The following XKR6 variants were observed in gnomAD, a reference collection of about 807,000 sequenced individuals.
XKR6 encodes the protein XK-related protein 6.
Under a neutral mutation model 56.7 loss-of-function variants are expected in XKR6, and 22 were observed. The observed-to-expected ratio is 0.39, with a 90% CI of 0.28 to 0.55. The LOEUF (loss-of-function observed/expected upper bound fraction) is 0.55. Ranked by LOEUF, XKR6 falls within the 20% of genes least tolerant of loss-of-function variation. The pLI, the probability that XKR6 is intolerant of heterozygous loss-of-function variation, is 0.66. For missense variants in XKR6, 852 were observed against 889.0 expected (o/e 0.96, Z 0.53); for synonymous variants, 524 against 387.8 (o/e 1.35, Z -4.13).
At chr8:11,125,071 A>AT (rs1170533334) in intron 1 of XKR6, among the ~76,000 whole-genome samples, 24 of 150,298 alleles carry the variant, frequency 1.6e-4, no homozygotes, top group African/African-American at 5.1e-4. Context: ...CATGGGCAAC[A>AT]GAGCAAGACT....
chr8:11,020,438 T>A (rs1798725149), intron 1 of XKR6, among the ~76,000 whole-genome samples: 1 of 152,152 alleles, frequency 6.6e-6, no homozygotes, highest in Non-Finnish European at 1.5e-5. Flanking sequence ...CTGTGCTAAG[T>A]TCCTTGTGAC....
intron 1 of XKR6, among the ~76,000 whole-genome samples, chr8:11,036,553 C>T (rs965992709): frequency 3.3e-5 from 5 of 152,190 alleles, no homozygotes; most frequent in African/African-American, 1.2e-4. Context: ...GTCCAGGAAT[C>T]TGCATTTTAA....
At chr8:10,920,675 C>T (rs1390793409) in intron 2 of XKR6, among the ~76,000 whole-genome samples, 3 of 152,242 alleles carry the variant, frequency 2.0e-5, no homozygotes, top group Non-Finnish European at 2.9e-5. Context: ...GTGATGAGGA[C>T]ACGACTCTAG....
chr8:11,080,534 A>C (rs1797679543), intron 1 of XKR6, among the ~76,000 whole-genome samples: 1 of 152,248 alleles, frequency 6.6e-6, no homozygotes, highest in Non-Finnish European at 1.5e-5. Flanking sequence ...TGTAAAGTCA[A>C]CACTTGCCAC....
intron 1 of XKR6, among the ~76,000 whole-genome samples, chr8:11,113,355 T>C (rs568776924): frequency 6.6e-5 from 10 of 152,254 alleles, no homozygotes; most frequent in Admixed American, 1.3e-4. Flanking sequence ...TCCATCAGAA[T>C]ACATTTAATA....
chr8:10,989,537 A>T (rs746417567), intron 1 of XKR6, among the ~76,000 whole-genome samples: 1 of 152,238 alleles, frequency 6.6e-6, no homozygotes, highest in Non-Finnish European at 1.5e-5. Context: ...GGCTTTCACC[A>T]TATAGCAGAG....
intron 1 of XKR6, among the ~76,000 whole-genome samples, chr8:11,098,678 A>T (rs143936246): frequency 1.3e-5 from 2 of 152,334 alleles, no homozygotes; most frequent in Non-Finnish European, 2.9e-5. Context: ...TAGTATGTGG[A>T]AAGTTTATTT....
chr8:10,940,204 G>T (rs764728780), intron 1 of XKR6, among the ~76,000 whole-genome samples: 1 of 152,178 alleles, frequency 6.6e-6, no homozygotes, highest in Non-Finnish European at 1.5e-5. Context: ...AGACGGGGAG[G>T]GAGGGAAGTG....
At chr8:11,033,098 T>C (rs931885211) in intron 1 of XKR6, among the ~76,000 whole-genome samples, 2 of 151,728 alleles carry the variant, frequency 1.3e-5, no homozygotes, top group South Asian at 4.2e-4. Context: ...ATAATGATGA[T>C]GATGAAGAGG....
At position 11,200,528 on chromosome 8, in the gene XKR6, A is replaced by AG. The variant is rs749301071; in HGVS notation, c.764+47dup. ...GCCCCGCGAAGCACCGGGAGGGCGGAGGGGGGCTCCTCAGGGCCGGCCCGC... is the reference window on the plus strand; with the variant it reads ...GCCCCGCGAAGCACCGGGAGGGCGGAGGGGGGGCTCCTCAGGGCCGGCCCGC... On this transcript the variant is annotated intron_variant, in intron 1 of 2. Transcript: ENST00000416569. The surrounding 1 kb of genome is among the most constrained non-coding windows in gnomAD (Gnocchi z 6.4). 16 of 1,407,252 alleles carry AG rather than the reference A, an allele frequency of 1.1e-5. No homozygotes were observed. The highest frequency in any genetic ancestry group is 6.0e-5 in the African/African-American group (4 of 66,568). 87.2% of individuals were successfully genotyped at this position (1,407,252 alleles called of 1,614,324 possible). A position where few individuals can be genotyped will look rare whatever the true frequency, so the allele number is the denominator to read the frequency against.
intron 1 of XKR6, among the ~76,000 whole-genome samples, chr8:10,926,337 G>A (rs1176388530): frequency 6.6e-6 from 1 of 152,198 alleles, no homozygotes; most frequent in Admixed American, 6.5e-5. Context: ...TAAGCCACAA[G>A]GGTGACCTCA....
chr8:10,982,636 G>A (rs1405620261), intron 1 of XKR6, among the ~76,000 whole-genome samples: 1 of 152,196 alleles, frequency 6.6e-6, no homozygotes, highest in African/African-American at 2.4e-5. Flanking sequence ...TATCTTCCCG[G>A]AGTCAGATCG....
chr8:11,021,680 T>C (rs1348317064), intron 1 of XKR6, among the ~76,000 whole-genome samples: 1 of 152,148 alleles, frequency 6.6e-6, no homozygotes, highest in Admixed American at 6.5e-5. Flanking sequence ...TCAGAGATCA[T>C]GACTGCTATA....
intron 1 of XKR6, among the ~76,000 whole-genome samples, chr8:11,178,187 C>A (rs1313577290): frequency 6.6e-6 from 1 of 152,150 alleles, no homozygotes; most frequent in Admixed American, 6.5e-5. Flanking sequence ...TGAAAACTGG[C>A]TGCAAATATG....
intron 1 of XKR6, among the ~76,000 whole-genome samples, chr8:11,009,372 A>G (rs970993769): frequency 6.6e-6 from 1 of 152,072 alleles, no homozygotes; most frequent in Non-Finnish European, 1.5e-5. Flanking sequence ...TTAGTCAGAC[A>G]TGGTGGTGTG....
At chr8:11,098,220 C>G (rs1245123772) in intron 1 of XKR6, among the ~76,000 whole-genome samples, 2 of 151,958 alleles carry the variant, frequency 1.3e-5, no homozygotes, top group African/African-American at 4.8e-5. Flanking sequence ...CTCACACACA[C>G]ACACGCACTC....
chr8:11,098,692 A>C (rs1172701678), intron 1 of XKR6, among the ~76,000 whole-genome samples: 1 of 152,176 alleles, frequency 6.6e-6, no homozygotes, highest in Non-Finnish European at 1.5e-5. Flanking sequence ...TTTATTTTTG[A>C]ATAATTTATT....
chr8:11,105,698 C>T (rs1274117907), intron 1 of XKR6: 2 of 152,146 alleles, frequency 1.3e-5, no homozygotes, highest in East Asian at 3.8e-4. Flanking sequence ...CAGTACAAAG[C>T]TCTTTTATTT....
intron 1 of XKR6, among the ~76,000 whole-genome samples, chr8:11,097,627 G>GT (rs937816822): frequency 1.3e-5 from 2 of 151,810 alleles, no homozygotes; most frequent in African/African-American, 4.8e-5. Context: ...GGTCAACATG[G>GT]TGAAACCCCA....
Sources: allele counts gnomAD v4.1 joint callset (sites outside exome capture counted in the v4.1 genomes callset), GRCh38; gene constraint gnomAD v4.1.1; non-coding constraint Gnocchi (gnomAD v3.1); transcripts MANE v1.5; gene names NCBI Gene and HGNC (gene_info 2026-07-23, HGNC 2026-07-21).